Variants in MEIG1 observed in about 807,000 individuals in gnomAD.
MEIG1 encodes the protein meiosis/spermiogenesis associated 1.
MEIG1 carries 12 observed loss-of-function variants against 11.3 expected under a neutral mutation model. The ratio of observed to expected loss-of-function variants is 1.07; its 90% CI spans 0.68 to 1.73. The LOEUF (loss-of-function observed/expected upper bound fraction) is 1.73, where lower values mean the gene tolerates loss of function less well. Among genes scored for constraint, MEIG1 ranks in the 40% most tolerant of loss-of-function variants. The probability of loss-of-function intolerance (pLI) is 0.00; values close to 1 mark genes in which losing one functional copy is unlikely to be tolerated. For missense variants in MEIG1, 119 were observed against 104.9 expected (o/e 1.13, Z -0.59); for synonymous variants, 41 against 33.2 (o/e 1.24, Z -0.81).
chr10:14,982,397 G>C (rs1320278619), intron 1 of MEIG1, among the ~76,000 whole-genome samples: 1 of 152,128 alleles, frequency 6.6e-6, no homozygotes, highest in African/African-American at 2.4e-5. Context: ...CTTAGTTGCT[G>C]CTTGGAGGAC....
intron 1 of MEIG1, 108 bp from the exon 2 acceptor site, chr10:14,966,332 G>C (rs928579151): frequency 1.6e-6 from 1 of 608,982 alleles, no homozygotes; most frequent in African/African-American, 2.0e-5. Context: ...AAAGTGCTGG[G>C]ATTACAGGTG....
chr10:14,973,779 A>AAAAAG (rs1354607012), downstream of MEIG1, among the ~76,000 whole-genome samples: 8 of 151,498 alleles, frequency 5.3e-5, no homozygotes, highest in East Asian at 5.8e-4. Context: ...CAAAAAAAAA[A>AAAAAG]AAAAAAAGAA....
intron 1 of MEIG1, among the ~76,000 whole-genome samples, chr10:14,982,876 G>C (rs564917419): frequency 6.6e-6 from 1 of 152,124 alleles, no homozygotes; most frequent in Admixed American, 6.5e-5. Flanking sequence ...GATTAATGAT[G>C]CCTGGTATTA....
chr10:14,965,015 G>A (rs1404406649), intron 1 of MEIG1, among the ~76,000 whole-genome samples: 3 of 152,016 alleles, frequency 2.0e-5, no homozygotes, highest in Non-Finnish European at 2.9e-5. Flanking sequence ...TTGAACTCCT[G>A]ACCTCAGGTC....
intron 1 of MEIG1, among the ~76,000 whole-genome samples, chr10:14,985,180 T>G (rs778094440): frequency 5.3e-5 from 8 of 152,044 alleles, no homozygotes; most frequent in Non-Finnish European, 1.2e-4. Context: ...AGAGATATGT[T>G]ACTCATAAAT....
upstream of MEIG1, among the ~76,000 whole-genome samples, chr10:14,956,712 C>T (rs996016774): frequency 4.6e-5 from 7 of 152,128 alleles, no homozygotes; most frequent in African/African-American, 7.2e-5. Context: ...ATTCACTGAC[C>T]ATCTACTGTG....
Position 14,987,091 on chromosome 10 carries a change from A to C in MEIG1, n.285+77A>C, listed in dbSNP as rs930617124. 7.9e-5 allele frequency: 53 copies of C among 669,086 alleles called. No individual in the cohort carries two copies. The Admixed American group carries it at 8.7e-4, about 11-fold the overall frequency. 41.4% of individuals were successfully genotyped at this position (669,086 alleles called of 1,614,324 possible). A position where few individuals can be genotyped will look rare whatever the true frequency, so the allele number is the denominator to read the frequency against. ...GCCGTCATAGGCCATCACAGTCAGGAGCATGCATTCTATACATGCAAAAAA... is the reference window on the plus strand; with the variant it reads ...GCCGTCATAGGCCATCACAGTCAGGCGCATGCATTCTATACATGCAAAAAA... On this transcript the variant is annotated intron_variant and non_coding_transcript_variant, in intron 2 of 2. Transcript: ENST00000467536.
In MEIG1 at chr10:14,970,786, G is replaced by T. The variant is rs1256165316; in HGVS notation, c.139-1727G>T. Among the ~76,000 whole-genome samples, 7 of 152,156 alleles carry T rather than the reference G, an allele frequency of 4.6e-5. No individual in the cohort carries two copies. In the East Asian group the frequency reaches 1.3e-3, roughly 29 times the overall value. On this transcript the variant is annotated intron_variant, in intron 2 of 2. Coordinates refer to ENST00000407572, the MANE Select transcript of MEIG1 (RefSeq NM_001080836.3). ...ACTGAAAGCTGAGATTTATTCATGGGGAACAGAAAAGGTGCAGGACTACCT... is the reference window on the plus strand; with the variant it reads ...ACTGAAAGCTGAGATTTATTCATGGTGAACAGAAAAGGTGCAGGACTACCT...
At chr10:14,976,181 C>T (rs980715226), downstream of MEIG1, among the ~76,000 whole-genome samples, 3 of 152,148 alleles carry the variant, frequency 2.0e-5, no homozygotes, top group African/African-American at 7.2e-5. Context: ...TCTCTACTGC[C>T]ATCCTGGGTT....
At chr10:14,955,892 C>G (rs551865476), upstream of MEIG1, among the ~76,000 whole-genome samples, 37 of 152,264 alleles carry the variant, frequency 2.4e-4, no homozygotes, top group African/African-American at 8.9e-4. Context: ...ACTGGCAACA[C>G]CTTTGATGGT....
chr10:14,962,762 A>AG (rs1292817627), intron 1 of MEIG1, among the ~76,000 whole-genome samples: 239 of 146,162 alleles, frequency 1.6e-3, no homozygotes, highest in Admixed American at 1.5e-3. Flanking sequence ...CTAATTTGGA[A>AG]TTTTTTTTTT....
exon 2 of MEIG1, chr10:14,986,970 C>A (rs762207616): frequency 8.5e-5 from 58 of 685,304 alleles, no homozygotes; most frequent in Non-Finnish European, 1.2e-4. Context: ...GCTGGGAATC[C>A]AACAGGCTAA....
downstream of MEIG1, among the ~76,000 whole-genome samples, chr10:14,974,909 TGAG>T (rs1843194913): frequency 6.6e-6 from 1 of 152,120 alleles, no homozygotes; most frequent in South Asian, 2.1e-4. Context: ...TAATAATAAA[TGAG>T]GATGAATTAA....
In MEIG1 at chr10:14,961,638, A is replaced by ATTTTTTTTTTTTTTTTTTTTTTTTTT. The variant is rs34536061; in HGVS notation, c.-30+2102_-30+2103insTTTTTTTTTTTTTTTTTTTTTTTTTT. Among the ~76,000 whole-genome samples, 2 of 76,594 alleles carry ATTTTTTTTTTTTTTTTTTTTTTTTTT rather than the reference A, an allele frequency of 2.6e-5. 1 individual carries two copies. Among genetic ancestry groups the ATTTTTTTTTTTTTTTTTTTTTTTTTT allele is most frequent in the Admixed American group, 3.6e-4 (2 of 5,592 alleles). The allele number at this position is 76,594 out of a possible 152,430, so 50.2% of individuals were successfully genotyped here. A position where few individuals can be genotyped will look rare whatever the true frequency, so the allele number is the denominator to read the frequency against. On this transcript the variant is annotated intron_variant, in intron 1 of 2. Coordinates refer to ENST00000407572, the MANE Select transcript of MEIG1 (RefSeq NM_001080836.3). ...AGGCAGCCGCCACCGCATCCGGCTA[A>ATTTTTTTTTTTTTTTTTTTTTTTTTT]TTTTTTTTTTTTTTTTTTTTTAGTA...
chr10:14,959,788 TC>T (rs1842990604), intron 1 of MEIG1, among the ~76,000 whole-genome samples: 1 of 152,220 alleles, frequency 6.6e-6, no homozygotes, highest in African/African-American at 2.4e-5. Context: ...CCCGGAAGTT[TC>T]CGGGCCGCCC....
chr10:14,955,293 A>G (rs750556949), upstream of MEIG1, among the ~76,000 whole-genome samples: 2 of 152,184 alleles, frequency 1.3e-5, no homozygotes, highest in Non-Finnish European at 2.9e-5. Flanking sequence ...GTAGCATTCA[A>G]TCTATCTGGC....
intron 1 of MEIG1, among the ~76,000 whole-genome samples, chr10:14,982,576 G>C (rs569219389): frequency 6.7e-6 from 1 of 150,122 alleles, no homozygotes; most frequent in African/African-American, 2.5e-5. Flanking sequence ...CAGAGGTGAA[G>C]GGCTGGTACA....
At chr10:14,976,924 C>T (rs1228282660), downstream of MEIG1, among the ~76,000 whole-genome samples, 3 of 151,972 alleles carry the variant, frequency 2.0e-5, no homozygotes, top group Admixed American at 6.6e-5. Context: ...TCGTACTGTC[C>T]TGAAGAGATG....
chr10:14,985,008 C>T (rs1049003369), intron 1 of MEIG1, among the ~76,000 whole-genome samples: 2 of 152,074 alleles, frequency 1.3e-5, no homozygotes, highest in African/African-American at 2.4e-5. Context: ...AATGCGTGTA[C>T]ACCCTTTGAT....
Sources: allele counts gnomAD v4.1 joint callset (sites outside exome capture counted in the v4.1 genomes callset), GRCh38; gene constraint gnomAD v4.1.1; transcripts MANE v1.5; gene names NCBI Gene and HGNC (gene_info 2026-07-23, HGNC 2026-07-21).